Variants in REN observed in about 807,000 individuals in gnomAD.
REN encodes angiotensin-forming enzyme.
REN carries 42 observed loss-of-function variants against 48.6 expected under a neutral mutation model. The ratio of observed to expected loss-of-function variants is 0.86; its 90% CI spans 0.68 to 1.12. The LOEUF (loss-of-function observed/expected upper bound fraction) is 1.12. Ranked by LOEUF, REN falls within the 50% of genes most tolerant of loss-of-function variation. The pLI, the probability that REN is intolerant of heterozygous loss-of-function variation, is 0.00. For synonymous variants in REN, 196 were observed against 204.6 expected (o/e 0.96, Z 0.36); for missense variants, 443 against 527.3 (o/e 0.84, Z 1.57).
Position 204,156,655 on chromosome 1 carries a change from G to T in REN, c.818+22C>A. 1 of 1,614,074 alleles carries T rather than the reference G, an allele frequency of 6.2e-7. No homozygotes were observed. The highest frequency in any genetic ancestry group is 1.3e-5 in the African/African-American group (1 of 75,020). On this transcript the variant is annotated intron_variant, in intron 7 of 9. Coordinates refer to ENST00000272190, the MANE Select transcript of REN (RefSeq NM_000537.4). This position sits in a 1 kb window ranked among gnomAD's most constrained non-coding sequence, Gnocchi z 4.2. Reference sequence around the variant, plus strand: ...TGACGGCAGCATTTTTTGGAGCCCGGGGAGGGTTGAGGATTTCTGACCCCT... The same window carrying T: ...TGACGGCAGCATTTTTTGGAGCCCGTGGAGGGTTGAGGATTTCTGACCCCT...
At chr1:204,166,119 T>C in intron 1 of REN, 77 bp downstream of exon 1, 2 of 1,186,068 alleles carry the variant, frequency 1.7e-6, no homozygotes, top group Middle Eastern at 1.9e-4. Flanking sequence ...TGACACCGCA[T>C]GTGGAAAAGC....
At chr1:204,158,243 C>A (rs1017278601) in intron 5 of REN, among the ~76,000 whole-genome samples, 2 of 152,052 alleles carry the variant, frequency 1.3e-5, no homozygotes, top group Non-Finnish European at 2.9e-5. Context: ...TAAAACAGTT[C>A]TTCTAAAGAC....
intron 1 of REN, among the ~76,000 whole-genome samples, chr1:204,164,982 T>C (rs575725813): frequency 6.6e-6 from 1 of 152,106 alleles, no homozygotes; most frequent in South Asian, 2.1e-4. Context: ...TCTTTCTTTT[T>C]TTTTTTTAGA....
Position 204,156,667 on chromosome 1 carries a change from G to A in REN, c.818+10C>T, listed in dbSNP as rs1169263688. On this transcript the variant is annotated intron_variant, in intron 7 of 9. Coordinates refer to ENST00000272190, the MANE Select transcript of REN (RefSeq NM_000537.4). This position sits in a 1 kb window ranked among gnomAD's most constrained non-coding sequence, Gnocchi z 4.2. ...TTTTTGGAGCCCGGGGAGGGTTGAGGATTTCTGACCCCTTCATTTGAATCT... is the reference window on the plus strand; with the variant it reads ...TTTTTGGAGCCCGGGGAGGGTTGAGAATTTCTGACCCCTTCATTTGAATCT... 6.2e-7 allele frequency: 1 copy of A among 1,614,118 alleles called. No homozygotes were observed. The highest frequency in any genetic ancestry group is 1.3e-5 in the African/African-American group (1 of 75,018).
At position 204,156,449 on chromosome 1, in the gene REN, G is replaced by C; in HGVS notation, c.819-130C>G. ...GCCACGCTGGTGGCCTGTTGAGGCA[G>C]TGAGTAGAGGAGGGAAGGTACTGTC... On this transcript the variant is annotated intron_variant, in intron 7 of 9. Transcript: ENST00000272190. The surrounding 1 kb of genome is among the most constrained non-coding windows in gnomAD (Gnocchi z 4.2). 1 of 1,403,808 alleles carries C rather than the reference G, an allele frequency of 7.1e-7. No individual in the cohort carries two copies. Among genetic ancestry groups the C allele is most frequent in the Non-Finnish European group, 9.8e-7 (1 of 1,022,562 alleles). 87.0% of individuals were successfully genotyped at this position (1,403,808 alleles called of 1,614,324 possible).
In REN at chr1:204,166,327, A is replaced by G. The variant is rs202165553; in HGVS notation, c.-34T>C. On this transcript the variant is annotated 5_prime_UTR_variant, in exon 1 of 10. Coordinates refer to ENST00000272190, the MANE Select transcript of REN (RefSeq NM_000537.4). Reference sequence around the variant, plus strand: ...CAGTCTGGGGCTCTCTCTGAGATCCACTGAGGTTCTGTGGCTCCCTTAGCC... The same window carrying G: ...CAGTCTGGGGCTCTCTCTGAGATCCGCTGAGGTTCTGTGGCTCCCTTAGCC... 1.9e-6 allele frequency: 3 copies of G among 1,593,586 alleles called. No individual in the cohort carries two copies. The highest frequency in any genetic ancestry group is 2.6e-6 in the Non-Finnish European group (3 of 1,161,362).
At chr1:204,160,108 G>C (rs543354982) in intron 4 of REN, among the ~76,000 whole-genome samples, 39 of 152,304 alleles carry the variant, frequency 2.6e-4, no homozygotes, top group Middle Eastern at 6.8e-3. Context: ...ATGAGGAAAC[G>C]GTCAGACATG....
At chr1:204,162,232 G>A in intron 1 of REN, 69 bp from the exon 2 acceptor site, 2 of 1,565,274 alleles carry the variant, frequency 1.3e-6, no homozygotes, top group African/African-American at 2.7e-5. Flanking sequence ...GAGTCCCTGA[G>A]GCCAAACCCC....
rs763037834 is a variant in REN at position 204,155,051 on chromosome 1, G to A, written c.1186C>T (p.Arg396Cys). 9 of 1,614,088 alleles carry A rather than the reference G, an allele frequency of 5.6e-6. No individual in the cohort carries two copies. The highest frequency in any genetic ancestry group is 4.4e-5 in the South Asian group (4 of 91,094). ...AAGGCGAAGCCAATGCGGTTGTTAC[G>A]CCGATCAAACTCTGTGTAGAACTTT... ...IRKFYTEFDR[R>C]NNRIGFALAR Residue 396 changes from arginine (R) to cysteine (C), a missense_variant, in exon 10 of 10, where the codon CGT becomes TGT. Arg to Cys is a radical substitution (Grantham distance 180). Coordinates refer to ENST00000272190, the MANE Select transcript of REN (RefSeq NM_000537.4).
intron 1 of REN, among the ~76,000 whole-genome samples, chr1:204,164,257 G>A (rs946919937): frequency 1.3e-4 from 20 of 152,162 alleles, no homozygotes; most frequent in African/African-American, 4.6e-4. Context: ...TCAGAGCAAG[G>A]GAAAGCAGTT....
chr1:204,157,881 A>T (rs959783703), intron 5 of REN, among the ~76,000 whole-genome samples: 1 of 152,198 alleles, frequency 6.6e-6, no homozygotes, highest in Non-Finnish European at 1.5e-5. Flanking sequence ...ATAAAAGAAG[A>T]GGCCAGCCCT....
intron 4 of REN, 90 bp from the exon 5 acceptor site, chr1:204,159,685 GCACA>G: frequency 9.2e-7 from 1 of 1,087,808 alleles, no homozygotes; most frequent in Non-Finnish European, 1.4e-6. Flanking sequence ...GATCCCAGGG[GCACA>G]CATGCTCCAG....
chr1:204,156,406 G>A lies in REN; in HGVS notation c.819-87C>T. ...TCCAGGCTGCATGTCCTTCCTGAGT[G>A]TGGGTGGGTGGGTGGAGGCCACGCT... On this transcript the variant is annotated intron_variant, in intron 7 of 9. Coordinates refer to ENST00000272190, the MANE Select transcript of REN (RefSeq NM_000537.4). This position sits in a 1 kb window ranked among gnomAD's most constrained non-coding sequence, Gnocchi z 4.2. The A allele has an allele frequency of 1.5e-6, 2 of 1,369,068 alleles. No homozygotes were observed. Among genetic ancestry groups the A allele is most frequent in the South Asian group, 1.3e-5 (1 of 79,966 alleles). The allele number at this position is 1,369,068 out of a possible 1,614,324, so 84.8% of individuals were successfully genotyped here. A position where few individuals can be genotyped will look rare whatever the true frequency, so the allele number is the denominator to read the frequency against.
intron 3 of REN, 114 bp from the exon 4 acceptor site, chr1:204,160,792 C>T (rs377681764): frequency 1.1e-5 from 9 of 811,166 alleles, no homozygotes; most frequent in Middle Eastern, 2.2e-4. Context: ...ATGAGTGGCC[C>T]TAGGGTCAGG....
Sources: gnomAD v4.1 joint callset for allele counts (sites outside exome capture counted in the v4.1 genomes callset) on GRCh38, gnomAD v4.1.1 for gene constraint, Gnocchi (gnomAD v3.1) non-coding constraint, MANE v1.5 for transcripts, NCBI Gene and HGNC (gene_info 2026-07-23, HGNC 2026-07-21) for gene names.